Variants in ARFGEF3 observed in about 807,000 individuals in gnomAD.
ARFGEF3 encodes the protein brefeldin A-inhibited guanine nucleotide-exchange protein 3.
ARFGEF3 carries 96 observed loss-of-function variants against 221.7 expected under a neutral mutation model. The observed-to-expected ratio is 0.43, with a 90% CI of 0.37 to 0.51. ARFGEF3 has a LOEUF of 0.51. Among genes scored for constraint, ARFGEF3 ranks in the 20% least tolerant of loss-of-function variants. The probability of loss-of-function intolerance (pLI) is 0.00; values close to 1 mark genes in which losing one functional copy is unlikely to be tolerated. For synonymous variants in ARFGEF3, 1,145 were observed against 1,126.8 expected (o/e 1.02, Z -0.32); for missense variants, 2,410 against 2,789.9 (o/e 0.86, Z 3.07).
At position 138,189,556 on chromosome 6, in the gene ARFGEF3, T is replaced by C. The variant is rs534877899; in HGVS notation, c.138-17486T>C. Reference sequence around the variant, plus strand: ...AATTAGGATATATAGTATGTAATATTTTGAAGCTTGCGATTTTCACTTAGT... The same window carrying C: ...AATTAGGATATATAGTATGTAATATCTTGAAGCTTGCGATTTTCACTTAGT... On this transcript the variant is annotated intron_variant, in intron 2 of 33. Coordinates refer to ENST00000251691, the MANE Select transcript of ARFGEF3 (RefSeq NM_020340.5). Among the ~76,000 whole-genome samples the C allele has an allele frequency of 1.6e-4, 24 of 152,360 alleles. No homozygotes were observed. In the South Asian group the frequency reaches 5.0e-3, roughly 32 times the overall value.
intron 6 of ARFGEF3, among the ~76,000 whole-genome samples, chr6:138,239,494 A>G (rs924439806): frequency 2.0e-5 from 3 of 151,882 alleles, no homozygotes; most frequent in African/African-American, 7.3e-5. Context: ...TTAAAAATCC[A>G]AAAAATTAGC....
intron 27 of ARFGEF3, among the ~76,000 whole-genome samples, chr6:138,319,496 A>G (rs1250261684): frequency 6.6e-6 from 1 of 152,110 alleles, no homozygotes; most frequent in Non-Finnish European, 1.5e-5. Flanking sequence ...GTATATTCAC[A>G]TATTGCTCAC....
At chr6:138,285,878 G>GT in intron 14 of ARFGEF3, 68 bp from the exon 15 acceptor site, 2 of 854,792 alleles carry the variant, frequency 2.3e-6, no homozygotes, top group East Asian at 4.9e-5. Flanking sequence ...GAATATTGTG[G>GT]TGGCCATTTG....
chr6:138,293,712 C>T (rs1779455291), intron 19 of ARFGEF3, among the ~76,000 whole-genome samples: 1 of 152,224 alleles, frequency 6.6e-6, no homozygotes, highest in Non-Finnish European at 1.5e-5. Flanking sequence ...TGCCATCTTT[C>T]AGCTTCTTGC....
intron 18 of ARFGEF3, among the ~76,000 whole-genome samples, chr6:138,290,361 A>G (rs528709119): frequency 6.6e-6 from 1 of 152,378 alleles, no homozygotes; most frequent in South Asian, 2.1e-4. Flanking sequence ...TTACTTAAAG[A>G]AGGATTTCAG....
chr6:138,280,432 C>T (rs938078728), intron 14 of ARFGEF3, among the ~76,000 whole-genome samples: 30 of 152,306 alleles, frequency 2.0e-4, no homozygotes, highest in African/African-American at 6.5e-4. Flanking sequence ...GGTGTAAAAC[C>T]GTAGGCCATA....
intron 2 of ARFGEF3, among the ~76,000 whole-genome samples, chr6:138,186,963 A>T (rs4896328): frequency 0.24 from 29,758 of 126,578 alleles, 4,282 homozygotes; most frequent in East Asian, 0.45. Flanking sequence ...TTGCCCAGGC[A>T]GGAGTGCAAT....
chr6:138,333,854 T>C, intron 32 of ARFGEF3, 116 bp from the exon 33 acceptor site: 1 of 1,116,510 alleles, frequency 9.0e-7, no homozygotes, highest in Non-Finnish European at 1.3e-6. Flanking sequence ...TGAGTAGAGG[T>C]AGTTTAGTTT....
Position 138,341,259 on chromosome 6 carries a change from G to A in ARFGEF3, c.*4773G>A, listed in dbSNP as rs11964805. The A allele has an allele frequency of 0.04, 6,258 of 154,790 alleles. 171 individuals carry two copies. Among genetic ancestry groups the A allele is most frequent in the Middle Eastern group, 0.1 (190 of 1,902 alleles). 9.6% of individuals were successfully genotyped at this position (154,790 alleles called of 1,614,324 possible). A position where few individuals can be genotyped will look rare whatever the true frequency, so the allele number is the denominator to read the frequency against. On this transcript the variant is annotated 3_prime_UTR_variant, in exon 34 of 34. Transcript: ENST00000251691. ...TACTAAATTAGTAGCACAAAGTTTG[G>A]GAATATGCAAAATAATGGATAACCA...
chr6:138,163,160 A>C (rs1776652024), intron 1 of ARFGEF3, among the ~76,000 whole-genome samples: 2 of 152,316 alleles, frequency 1.3e-5, no homozygotes, highest in South Asian at 4.1e-4. Flanking sequence ...ACTAAATGTA[A>C]AATTTTGAGA....
At position 138,344,418 on chromosome 6, in the gene ARFGEF3, C is replaced by T. The variant is rs1198938540; in HGVS notation, c.*7932C>T. On this transcript the variant is annotated 3_prime_UTR_variant, in exon 34 of 34. Coordinates refer to ENST00000251691, the MANE Select transcript of ARFGEF3 (RefSeq NM_020340.5). ...TTAAAAAAACAAACTGAAAATCACA[C>T]TCCTTTATATGTTGATATAACTGAT... 1 of 152,128 alleles carries T rather than the reference C, an allele frequency of 6.6e-6. No homozygotes were observed. The highest frequency in any genetic ancestry group is 1.5e-5 in the Non-Finnish European group (1 of 68,034). The allele number at this position is 152,128 out of a possible 1,614,324, so 9.4% of individuals were successfully genotyped here.
At chr6:138,331,009 C>A (rs564288359) in intron 32 of ARFGEF3, among the ~76,000 whole-genome samples, 1 of 152,066 alleles carries the variant, frequency 6.6e-6, no homozygotes, top group Middle Eastern at 3.4e-3. Flanking sequence ...AATTTCAGTT[C>A]TTTTCTTCCT....
intron 14 of ARFGEF3, among the ~76,000 whole-genome samples, chr6:138,282,815 G>A (rs796717845): frequency 1.8e-4 from 28 of 152,300 alleles, no homozygotes; most frequent in African/African-American, 6.0e-4. Flanking sequence ...TTGGGAGGCC[G>A]AGGCGGGTGG....
Position 138,298,726 on chromosome 6 carries a change from T to C in ARFGEF3, c.3769T>C (p.Phe1257Leu), listed in dbSNP as rs778570778. Residue 1257 changes from phenylalanine to leucine, a missense_variant, in exon 22 of 34, where the codon TTC becomes CTC. Around this residue, in one of 5 missense-constraint regions of ARFGEF3, gnomAD observed 723 missense variants for 991.9 expected, o/e 0.73. Transcript: ENST00000251691. ...TCATTTTCACTTCAATGAAGCACTC[T>C]TCCGACCTTTCGAGCGCATTATGCA... ...PPHFHFNEALFRPFERIMQLE... is the reference protein window; with the variant it reads ...PPHFHFNEALLRPFERIMQLE... 1 of 1,613,562 alleles carries C rather than the reference T, an allele frequency of 6.2e-7. No homozygotes were observed.
At chr6:138,269,620 C>A (rs1196149520) in intron 12 of ARFGEF3, among the ~76,000 whole-genome samples, 1 of 152,006 alleles carries the variant, frequency 6.6e-6, no homozygotes, top group Non-Finnish European at 1.5e-5. Context: ...ACCAGCCTGA[C>A]CAACATGGAG....
intron 12 of ARFGEF3, among the ~76,000 whole-genome samples, chr6:138,266,905 A>C (rs1442746070): frequency 6.6e-6 from 1 of 150,766 alleles, no homozygotes; most frequent in Non-Finnish European, 1.5e-5. Context: ...TTGTACATAA[A>C]GCCTCTCAAG....
intron 2 of ARFGEF3, among the ~76,000 whole-genome samples, chr6:138,191,769 G>A (rs1267379629): frequency 1.3e-5 from 2 of 152,144 alleles, no homozygotes; most frequent in African/African-American, 4.8e-5. Flanking sequence ...CTTTCAGGTA[G>A]TCTTCTCTAC....
chr6:138,196,455 C>T (rs985831225), intron 2 of ARFGEF3, among the ~76,000 whole-genome samples: 11 of 152,120 alleles, frequency 7.2e-5, no homozygotes, highest in African/African-American at 2.7e-4. Flanking sequence ...AGAAAAGGTA[C>T]AGTAAAAATG....
intron 4 of ARFGEF3, among the ~76,000 whole-genome samples, chr6:138,221,092 T>C (rs778895819): frequency 2.6e-5 from 4 of 152,172 alleles, no homozygotes; most frequent in Non-Finnish European, 1.5e-5. Flanking sequence ...TGACTTACAA[T>C]TGCTGCATCA....
Sources: allele counts gnomAD v4.1 joint callset (sites outside exome capture counted in the v4.1 genomes callset), GRCh38; gene constraint gnomAD v4.1.1; regional missense constraint gnomAD v4.1.1; transcripts MANE v1.5; gene names NCBI Gene and HGNC (gene_info 2026-07-23, HGNC 2026-07-21).